Variants in YJU2B observed in about 807,000 individuals in gnomAD.
YJU2B encodes the protein YJU2 splicing factor homolog B, also known as probable splicing factor YJU2B.
YJU2B carries 18 observed loss-of-function variants against 38.0 expected under a neutral mutation model. That is an observed-to-expected ratio of 0.47 (90% CI 0.33 to 0.70). YJU2B has a LOEUF of 0.70. YJU2B is among the 30% of genes least tolerant of loss of function. The probability of loss-of-function intolerance (pLI) is 0.02; values close to 1 mark genes in which losing one functional copy is unlikely to be tolerated. For missense variants in YJU2B, 538 were observed against 556.3 expected, an observed-to-expected ratio of 0.97 and a Z score of 0.33; for synonymous variants, 246 against 225.4, an observed-to-expected ratio of 1.09 and a Z score of -0.82.
chr19:13,758,559 CAAATGCACTAAT>C (rs1973755674), intron 6 of YJU2B, among the ~76,000 whole-genome samples: 2 of 150,220 alleles, frequency 1.3e-5, no homozygotes, highest in African/African-American at 5.1e-5. Flanking sequence ...AACCAACAAA[CAAATGCACTAAT>C]GAATGAACAA....
At chr19:13,741,441 C>T (rs1422277223) in intron 2 of YJU2B, among the ~76,000 whole-genome samples, 2 of 151,968 alleles carry the variant, frequency 1.3e-5, no homozygotes, top group Non-Finnish European at 2.9e-5. Flanking sequence ...GTGTGAGCCA[C>T]CATGCCTGGC....
rs1973963204 is a variant in YJU2B at position 13,762,916 on chromosome 19, A to T, written c.1039A>T (p.Ser347Cys). ...GGAAACAACTGAGACCCCCAAGTGC[A>T]GCAGCCCGAGGGGGCAGGAAGGGAG... ...PPETTETPKCSSPRGQEGSRQ... is the reference protein window; with the variant it reads ...PPETTETPKCCSPRGQEGSRQ... The change falls in exon 10 of 10, where the codon AGC (serine) becomes TGC (cysteine). Residue 347 changes from serine (S) to cysteine (C), a missense_variant. Ser to Cys is a moderately radical substitution (Grantham distance 112, BLOSUM62 -1). Coordinates refer to ENST00000221554, the MANE Select transcript of YJU2B (RefSeq NM_030818.4). 1.2e-6 allele frequency: 2 copies of T among 1,611,674 alleles called. No individual in the cohort carries two copies. Among genetic ancestry groups the T allele is most frequent in the Non-Finnish European group, 1.7e-6 (2 of 1,179,722 alleles).
Position 13,762,409 on chromosome 19 carries a change from G to T in YJU2B, c.684G>T (p.Ala228=). The change falls in exon 9 of 10, where the codon GCG becomes GCT. Residue 228 remains alanine (A), a synonymous_variant. Coordinates refer to ENST00000221554, the MANE Select transcript of YJU2B (RefSeq NM_030818.4). The stretch of plus-strand genomic sequence containing the variant: ...AGACGGAAGATGACCGCAAGCTGGC[G>T]GCTCTGCTGAAGTTCCACACCCTGG... ...VPETEDDRKL[A]ALLKFHTLDS... 1 of 1,613,424 alleles carries T rather than the reference G, an allele frequency of 6.2e-7. No individual in the cohort carries two copies. Among genetic ancestry groups the T allele is most frequent in the South Asian group, 1.1e-5 (1 of 91,068 alleles).
upstream of YJU2B, among the ~76,000 whole-genome samples, chr19:13,745,717 C>CTATATATA (rs1212314804): frequency 1.8e-5 from 2 of 110,616 alleles, no homozygotes; most frequent in African/African-American, 7.6e-5. Flanking sequence ...ATCTATAGAT[C>CTATATATA]TATAGATATC....
intron 6 of YJU2B, among the ~76,000 whole-genome samples, chr19:13,758,563 T>C (rs2145158771): frequency 6.7e-6 from 1 of 150,086 alleles, no homozygotes; most frequent in South Asian, 2.1e-4. Context: ...AACAAACAAA[T>C]GCACTAATGA....
intron 3 of YJU2B, among the ~76,000 whole-genome samples, chr19:13,754,774 A>G (rs1973600486): frequency 6.6e-6 from 1 of 152,080 alleles, no homozygotes; most frequent in Non-Finnish European, 1.5e-5. Context: ...TGAGCACTTT[A>G]TATAATCTCA....
intron 3 of YJU2B, among the ~76,000 whole-genome samples, chr19:13,755,770 A>G (rs1177565244): frequency 6.6e-6 from 1 of 152,012 alleles, no homozygotes; most frequent in Non-Finnish European, 1.5e-5. Flanking sequence ...AGCCTGGGTG[A>G]CATGGTGAAA....
chr19:13,757,350 C>A, intron 4 of YJU2B, 68 bp from the exon 5 acceptor site: 3 of 1,361,828 alleles, frequency 2.2e-6, no homozygotes, highest in South Asian at 2.4e-5. Flanking sequence ...CGGCCAGAGT[C>A]GCAGGTGTGG....
chr19:13,762,757 G>A lies in YJU2B; in HGVS notation c.880G>A (p.Gly294Ser). 1 of 1,607,056 alleles carries A rather than the reference G, an allele frequency of 6.2e-7. No homozygotes were observed. Among genetic ancestry groups the A allele is most frequent in the Non-Finnish European group, 8.5e-7 (1 of 1,178,184 alleles). Residue 294 changes from glycine (G) to serine (S), a missense_variant, in exon 10 of 10, where the codon GGC becomes AGC. Around this residue, in one of 2 missense-constraint regions of YJU2B, gnomAD observed 488 missense variants for 469.5 expected, o/e 1.04. Coordinates refer to ENST00000221554, the MANE Select transcript of YJU2B (RefSeq NM_030818.4). ...ATSPITVGDL[G>S]IVRRRSRDVP... is the part of the protein sequence containing the mutation. Reference sequence around the variant, plus strand: ...CTCCCCCATCACCGTCGGGGACCTGGGCATCGTGCGGCGGAGGTCTCGGGA... The same window carrying A: ...CTCCCCCATCACCGTCGGGGACCTGAGCATCGTGCGGCGGAGGTCTCGGGA...
intron 1 of YJU2B, chr19:13,732,101 C>A (rs912704030): frequency 6.6e-6 from 1 of 151,826 alleles, no homozygotes; most frequent in Non-Finnish European, 1.5e-5. Flanking sequence ...GGTAGGACTT[C>A]GGGGTGGGAG....
Position 13,763,147 on chromosome 19 carries a change from C to A in YJU2B, c.*79C>A. The A allele has an allele frequency of 8.0e-7, 1 of 1,246,098 alleles. No homozygotes were observed. The highest frequency in any genetic ancestry group is 1.1e-6 in the Non-Finnish European group (1 of 905,142). The allele number at this position is 1,246,098 out of a possible 1,614,324, so 77.2% of individuals were successfully genotyped here. A position where few individuals can be genotyped will look rare whatever the true frequency, so the allele number is the denominator to read the frequency against. The stretch of plus-strand genomic sequence containing the variant: ...AGGCCCCTCACAGACTGCAGACCCC[C>A]GGCTCGCCCACCAGCCCTGGGAGAG... On this transcript the variant is annotated 3_prime_UTR_variant, in exon 10 of 10. Coordinates refer to ENST00000221554, the MANE Select transcript of YJU2B (RefSeq NM_030818.4).
intron 8 of YJU2B, among the ~76,000 whole-genome samples, chr19:13,760,511 G>A (rs571029335): frequency 6.6e-6 from 1 of 152,222 alleles, no homozygotes; most frequent in Non-Finnish European, 1.5e-5. Context: ...TATCAATTTG[G>A]GGGACACAGA....
chr19:13,744,046 C>T (rs1047901246), upstream of YJU2B, among the ~76,000 whole-genome samples: 1 of 151,830 alleles, frequency 6.6e-6, no homozygotes, highest in Non-Finnish European at 1.5e-5. Context: ...CAAAAATTAG[C>T]TGGGCATGGT....
Position 13,762,904 on chromosome 19 carries a change from A to AC in YJU2B, c.1032dup (p.Lys345GlnfsTer28). 3 of 1,610,734 alleles carry AC rather than the reference A, an allele frequency of 1.9e-6. No individual in the cohort carries two copies. Among genetic ancestry groups the AC allele is most frequent in the Non-Finnish European group, 2.5e-6 (3 of 1,179,454 alleles). ...AGACTGTCCTCCGGAAACAACTGAG[A>AC]CCCCCAAGTGCAGCAGCCCGAGGGG... On this transcript the variant is annotated frameshift_variant, in exon 10 of 10. Transcript: ENST00000221554. LOFTEE classifies it low-confidence loss of function (END_TRUNC).
At chr19:13,735,771 G>A (rs773875808) in intron 2 of YJU2B, among the ~76,000 whole-genome samples, 13 of 151,764 alleles carry the variant, frequency 8.6e-5, no homozygotes, top group Non-Finnish European at 1.6e-4. Flanking sequence ...GGCCTCTTGC[G>A]GCCGGGTGCG....
chr19:13,751,393 G>T (rs1305016626), intron 1 of YJU2B, among the ~76,000 whole-genome samples: 1 of 152,104 alleles, frequency 6.6e-6, no homozygotes, highest in Admixed American at 6.6e-5. Flanking sequence ...CCAGCCTGGT[G>T]ACAGAGCGAG....
intron 6 of YJU2B, 79 bp downstream of exon 6, chr19:13,757,925 G>A: frequency 7.8e-7 from 1 of 1,278,214 alleles, no homozygotes; most frequent in Non-Finnish European, 1.1e-6. Context: ...CTGAGTTGCG[G>A]GGGGAACCCA....
Position 13,762,968 on chromosome 19 carries a change from C to A in YJU2B, c.1091C>A (p.Ala364Glu). The change falls in exon 10 of 10, where the codon GCA becomes GAA. Residue 364 changes from alanine to glutamate, a missense_variant. This residue lies in a region of YJU2B where 488 missense variants were observed against 469.5 expected (regional missense o/e 1.04). Coordinates refer to ENST00000221554, the MANE Select transcript of YJU2B (RefSeq NM_030818.4). Reference protein sequence around the residue: ...GSRQDKPLSPAGSSQEAADTP... With the variant: ...GSRQDKPLSPEGSSQEAADTP... The stretch of plus-strand genomic sequence containing the variant: ...CGTCAGGACAAGCCCCTGTCGCCAG[C>A]AGGCTCCTCCCAGGAGGCAGCTGAC... The A allele has an allele frequency of 1.9e-6, 3 of 1,611,634 alleles. No homozygotes were observed. The highest frequency in any genetic ancestry group is 2.5e-6 in the Non-Finnish European group (3 of 1,179,482).
chr19:13,754,260 C>CTA, intron 2 of YJU2B, 29 bp from the exon 3 acceptor site: 2 of 1,597,334 alleles, frequency 1.3e-6, no homozygotes, highest in Non-Finnish European at 1.7e-6. Flanking sequence ...CAGCCTCTCT[C>CTA]TGAGTCATGT....
Sources: allele counts gnomAD v4.1 joint callset (sites outside exome capture counted in the v4.1 genomes callset), GRCh38; gene constraint gnomAD v4.1.1; regional missense constraint gnomAD v4.1.1; transcripts MANE v1.5; gene names NCBI Gene and HGNC (gene_info 2026-07-23, HGNC 2026-07-21).